TCF7: variants seen among roughly 807,000 people sequenced by gnomAD.
TCF7 encodes T-cell-factor-7.
Under a neutral mutation model 46.8 loss-of-function variants are expected in TCF7, and 19 were observed. The ratio of observed to expected loss-of-function variants is 0.41; its 90% CI spans 0.28 to 0.60. The LOEUF (loss-of-function observed/expected upper bound fraction) is 0.60, where lower values mean the gene tolerates loss of function less well. Among genes scored for constraint, TCF7 ranks in the 20% least tolerant of loss-of-function variants. The pLI is 0.35. For synonymous variants in TCF7, 245 were observed against 213.4 expected (o/e 1.15, Z -1.29); for missense variants, 547 against 504.6 (o/e 1.08, Z -0.81).
In TCF7 at chr5:134,143,491, G is replaced by A. The variant is rs763379797; in HGVS notation, c.1027-101G>A. 11 of 1,425,012 alleles carry A rather than the reference G, an allele frequency of 7.7e-6. No homozygotes were observed. In the African/African-American group the frequency reaches 1.3e-4, roughly 16 times the overall value. The allele number at this position is 1,425,012 out of a possible 1,614,324, so 88.3% of individuals were successfully genotyped here. A position where few individuals can be genotyped will look rare whatever the true frequency, so the allele number is the denominator to read the frequency against. On this transcript the variant is annotated intron_variant, in intron 8 of 9. Transcript: ENST00000342854. The stretch of plus-strand genomic sequence containing the variant: ...CAGCACCCCAAGGTAGGAGGGGCCT[G>A]TACGCCCAGAATCCCAGGGTTACCC...
chr5:134,124,672 G>A (rs1448638186), intron 3 of TCF7, among the ~76,000 whole-genome samples: 7 of 143,874 alleles, frequency 4.9e-5, no homozygotes, highest in South Asian at 5.0e-4. Flanking sequence ...TAACCCCCCC[G>A]CCCTGCCCCC....
At chr5:134,123,363 C>T (rs907557112) in intron 3 of TCF7, among the ~76,000 whole-genome samples, 5 of 152,240 alleles carry the variant, frequency 3.3e-5, no homozygotes, top group African/African-American at 9.6e-5. Context: ...CAGCATGTGG[C>T]GGGCTCCCTC....
chr5:134,126,952 CT>C (rs1223083315), intron 3 of TCF7, among the ~76,000 whole-genome samples: 1 of 152,058 alleles, frequency 6.6e-6, no homozygotes, highest in African/African-American at 2.4e-5. Flanking sequence ...TGTGGCCTCC[CT>C]TTTTGCAGAT....
chr5:134,119,802 A>G (rs970908353), intron 3 of TCF7, among the ~76,000 whole-genome samples: 15 of 152,132 alleles, frequency 9.9e-5, no homozygotes, highest in Admixed American at 4.6e-4. Flanking sequence ...AGAGATGCAT[A>G]GGTGCAGGAG....
At chr5:134,123,375 G>C (rs1201419939) in intron 3 of TCF7, among the ~76,000 whole-genome samples, 1 of 152,226 alleles carries the variant, frequency 6.6e-6, no homozygotes, top group Non-Finnish European at 1.5e-5. Flanking sequence ...GGCTCCCTCT[G>C]CCCTTCCAGA....
At chr5:134,133,124 G>T (rs575927340) in intron 3 of TCF7, among the ~76,000 whole-genome samples, 1 of 152,312 alleles carries the variant, frequency 6.6e-6, no homozygotes, top group East Asian at 1.9e-4. Flanking sequence ...TCTCAGGGTA[G>T]CCCTGGGGTG....
At chr5:134,131,027 T>C (rs897562552) in intron 3 of TCF7, among the ~76,000 whole-genome samples, 9 of 152,154 alleles carry the variant, frequency 5.9e-5, no homozygotes, top group African/African-American at 1.9e-4. Context: ...GAGGATAGCA[T>C]AGACTTCTAG....
rs763337009 is a variant in TCF7, at chr5:134,139,041, G to A, written c.635+3G>A. ...CAGCTCCCCCACACTGTGAGCTGGT[G>A]AGTGTGGGCCCAATGGGAAAGGGGT... On this transcript the variant is annotated splice_donor_region_variant and intron_variant, in intron 5 of 9. Coordinates refer to ENST00000342854, the MANE Select transcript of TCF7 (RefSeq NM_003202.5). The A allele has an allele frequency of 6.2e-7, 1 of 1,613,658 alleles. No individual in the cohort carries two copies. Among genetic ancestry groups the A allele is most frequent in the Admixed American group, 1.7e-5 (1 of 60,032 alleles).
chr5:134,111,740 G>T (rs1755332882), upstream of TCF7, among the ~76,000 whole-genome samples: 1 of 152,132 alleles, frequency 6.6e-6, no homozygotes, highest in Non-Finnish European at 1.5e-5. Context: ...TGTCTGCCAA[G>T]ACCACAAGGC....
chr5:134,134,295 G>A (rs141215145), intron 3 of TCF7, among the ~76,000 whole-genome samples: 5 of 152,374 alleles, frequency 3.3e-5, no homozygotes, highest in Non-Finnish European at 7.3e-5. Flanking sequence ...CCAGGCGCTC[G>A]GTCCATCCCA....
chr5:134,114,915 G>T lies in TCF7; in HGVS notation c.9G>T (p.Gln3His), dbSNP rs1291435189. Residue 3 changes from glutamine to histidine, a missense_variant, in exon 1 of 10, where the codon CAG (glutamine) becomes CAT (histidine). Gln to His is a conservative substitution (Grantham distance 24, BLOSUM62 0). Transcript: ENST00000342854. ...GGCGGGCGGAGCGCACCATGCCGCA[G>T]CTGGACTCCGGCGGGGGCGGCGCGG... Reference protein sequence around the residue: MPQLDSGGGGAGG... With the variant: MPHLDSGGGGAGG... 9.6e-6 allele frequency: 10 copies of T among 1,042,122 alleles called. No individual in the cohort carries two copies. The highest frequency in any genetic ancestry group is 1.2e-5 in the Non-Finnish European group (10 of 862,970). 64.6% of individuals were successfully genotyped at this position (1,042,122 alleles called of 1,614,324 possible).
At chr5:134,143,737 C>T (rs1312103441) in intron 9 of TCF7, 97 bp downstream of exon 9, 2 of 1,469,620 alleles carry the variant, frequency 1.4e-6, no homozygotes, top group Admixed American at 3.8e-5. Context: ...CGGTACCCAG[C>T]TAGGAGCCTT....
At chr5:134,121,202 A>G (rs530006223) in intron 3 of TCF7, among the ~76,000 whole-genome samples, 1 of 152,008 alleles carries the variant, frequency 6.6e-6, no homozygotes, top group South Asian at 2.1e-4. Context: ...CACCCCAAAG[A>G]TTGACCTGAA....
chr5:134,117,125 C>T (rs956088302), intron 3 of TCF7, among the ~76,000 whole-genome samples: 14 of 152,382 alleles, frequency 9.2e-5, no homozygotes, highest in African/African-American at 3.4e-4. Flanking sequence ...TATTCTATGG[C>T]TAGCTCTAGA....
intron 3 of TCF7, among the ~76,000 whole-genome samples, chr5:134,121,250 C>T (rs1268381515): frequency 6.6e-6 from 1 of 151,120 alleles, no homozygotes; most frequent in Non-Finnish European, 1.5e-5. Flanking sequence ...AAGTCCTTTA[C>T]ATGAGATGTT....
intron 3 of TCF7, among the ~76,000 whole-genome samples, chr5:134,131,988 G>A (rs1758190094): frequency 6.6e-6 from 1 of 152,230 alleles, no homozygotes; most frequent in African/African-American, 2.4e-5. Flanking sequence ...CCATCCCAGG[G>A]GTCCTAAAAC....
intron 3 of TCF7, among the ~76,000 whole-genome samples, chr5:134,130,400 T>A (rs1757954719): frequency 6.6e-6 from 1 of 152,070 alleles, no homozygotes; most frequent in African/African-American, 2.4e-5. Context: ...GGCTGACTGG[T>A]GGGCCCTAGC....
chr5:134,143,709 G>T, intron 9 of TCF7, 69 bp downstream of exon 9: 1 of 1,589,806 alleles, frequency 6.3e-7, no homozygotes, highest in South Asian at 1.1e-5. Flanking sequence ...GCCCTCCTCT[G>T]ACCCAAAGGG....
chr5:134,115,691 G>T, intron 2 of TCF7: 1 of 1,430,066 alleles, frequency 7.0e-7, no homozygotes, highest in Non-Finnish European at 9.1e-7. Context: ...TGGTTGGAGG[G>T]CGGGGGGTGG....
Sources: allele counts gnomAD v4.1 joint callset (sites outside exome capture counted in the v4.1 genomes callset), GRCh38; gene constraint gnomAD v4.1.1; transcripts MANE v1.5; gene names NCBI Gene and HGNC (gene_info 2026-07-23, HGNC 2026-07-21).